PREP: variants seen among roughly 807,000 people sequenced by gnomAD.
PREP encodes dJ355L5.1 (prolyl endopeptidase).
A neutral mutation model predicts 87.6 loss-of-function variants in PREP; 29 were observed. That is an observed-to-expected ratio of 0.33 (90% confidence interval 0.25 to 0.45). PREP has a LOEUF of 0.45. Among genes scored for constraint, PREP ranks in the 20% least tolerant of loss-of-function variants. PREP has a pLI of 1.00. For synonymous variants in PREP, 337 were observed against 328.6 expected (o/e 1.03, Z -0.28); for missense variants, 695 against 886.5 (o/e 0.78, Z 2.74).
At chr6:105,336,848 T>C (rs1326004720) in intron 7 of PREP, among the ~76,000 whole-genome samples, 1 of 152,212 alleles carries the variant, frequency 6.6e-6, no homozygotes, top group Non-Finnish European at 1.5e-5. Context: ...GTCCACCTCG[T>C]GGTGGGCTGT....
rs1771021659 is a variant in PREP, at chr6:105,321,936, C to T, written c.1317+1729G>A. 2.0e-5 allele frequency among the ~76,000 whole-genome samples: 3 copies of T among 152,278 alleles called. No homozygotes were observed. In the South Asian group the frequency reaches 6.2e-4, roughly 32 times the overall value. Reference sequence around the variant, plus strand: ...GCTCTTGAGAGCAGAGGAGAGAACACTTGCTGGGTGCTGCCTGGGTGTCCC... The same window carrying T: ...GCTCTTGAGAGCAGAGGAGAGAACATTTGCTGGGTGCTGCCTGGGTGTCCC... On this transcript the variant is annotated intron_variant, in intron 10 of 14. Transcript: ENST00000652536.
intron 10 of PREP, chr6:105,322,794 AT>A (rs1771046953): frequency 9.4e-7 from 1 of 1,066,598 alleles, no homozygotes; most frequent in Non-Finnish European, 1.1e-6. Flanking sequence ...ACAAAGCTTT[AT>A]TCATGATCTA....
chr6:105,362,288 CCGT>C (rs1772270953), intron 6 of PREP, among the ~76,000 whole-genome samples: 1 of 152,138 alleles, frequency 6.6e-6, no homozygotes, highest in Non-Finnish European at 1.5e-5. Context: ...TGGTGAAACC[CCGT>C]CTCTACTAAA....
At chr6:105,315,774 C>A (rs1167264404) in intron 10 of PREP, among the ~76,000 whole-genome samples, 2 of 152,270 alleles carry the variant, frequency 1.3e-5, no homozygotes, top group Non-Finnish European at 2.9e-5. Flanking sequence ...TACATCAGCA[C>A]TTGCTGCTTC....
intron 7 of PREP, among the ~76,000 whole-genome samples, chr6:105,336,504 C>G (rs1409945026): frequency 6.6e-6 from 1 of 152,146 alleles, no homozygotes; most frequent in Non-Finnish European, 1.5e-5. Flanking sequence ...TTTTTGCTCC[C>G]TGTATTTTGT....
intron 10 of PREP, among the ~76,000 whole-genome samples, chr6:105,304,335 G>A (rs1369171978): frequency 6.6e-6 from 1 of 152,158 alleles, no homozygotes; most frequent in Non-Finnish European, 1.5e-5. Context: ...AGGGTGTCCT[G>A]GAACCAATCC....
At chr6:105,325,748 G>A (rs372069562) in intron 9 of PREP, among the ~76,000 whole-genome samples, 3 of 152,300 alleles carry the variant, frequency 2.0e-5, no homozygotes, top group African/African-American at 7.2e-5. Context: ...TTGGCTCAGA[G>A]GATAAGAACA....
intron 10 of PREP, among the ~76,000 whole-genome samples, chr6:105,310,191 A>G (rs1770732774): frequency 6.6e-6 from 1 of 152,366 alleles, no homozygotes; most frequent in African/African-American, 2.4e-5. Flanking sequence ...TGATTAACGT[A>G]GCCAGGGATT....
chr6:105,368,755 A>C, intron 6 of PREP, 148 bp downstream of exon 6: 1 of 916,022 alleles, frequency 1.1e-6, no homozygotes, highest in South Asian at 2.1e-5. Flanking sequence ...CATTATTAAG[A>C]GTCAATCTGA....
chr6:105,311,354 C>G (rs769372669), intron 10 of PREP, among the ~76,000 whole-genome samples: 5 of 152,184 alleles, frequency 3.3e-5, no homozygotes, highest in South Asian at 2.1e-4. Context: ...TCCACTCCCC[C>G]CTTACTCACT....
intron 9 of PREP, among the ~76,000 whole-genome samples, chr6:105,324,223 C>T (rs966240154): frequency 6.6e-6 from 1 of 152,154 alleles, no homozygotes; most frequent in African/African-American, 2.4e-5. Flanking sequence ...GGTCAAGAGC[C>T]AGTCAGGGGT....
chr6:105,332,656 GA>G (rs1159651179), intron 8 of PREP, among the ~76,000 whole-genome samples: 1 of 152,048 alleles, frequency 6.6e-6, no homozygotes, highest in Non-Finnish European at 1.5e-5. Flanking sequence ...CCAAATTAAT[GA>G]GTTTTACTGT....
In PREP at chr6:105,376,186, A is replaced by G. The variant is rs1172447624; in HGVS notation, c.324T>C (p.Gly108=). 1 of 1,613,898 alleles carries G rather than the reference A, an allele frequency of 6.2e-7. No homozygotes were observed. Among genetic ancestry groups the G allele is most frequent in the Non-Finnish European group, 8.5e-7 (1 of 1,179,892 alleles). ...TGGGGTCCAGGAACACTCTGGCCTC[A>G]CCCTCTAAGGAATCCTGTACATATA... ...RVLYVQDSLE[G]EARVFLDPNI... The change falls in exon 4 of 15, where the codon GGT becomes GGC. Residue 108 remains glycine, a synonymous_variant. Coordinates refer to ENST00000652536, the MANE Select transcript of PREP (RefSeq NM_002726.5).
chr6:105,395,954 G>T (rs1314808853), intron 2 of PREP, among the ~76,000 whole-genome samples: 1 of 152,178 alleles, frequency 6.6e-6, no homozygotes, highest in Non-Finnish European at 1.5e-5. Flanking sequence ...CAATCCCTCT[G>T]TCTCAGTCAG....
At chr6:105,339,363 C>T (rs1407599146) in intron 7 of PREP, among the ~76,000 whole-genome samples, 1 of 152,160 alleles carries the variant, frequency 6.6e-6, no homozygotes, top group Non-Finnish European at 1.5e-5. Flanking sequence ...GACACCCACA[C>T]CAAAACCCCA....
chr6:105,280,650 C>G (rs1368131275), intron 14 of PREP: 1 of 151,796 alleles, frequency 6.6e-6, no homozygotes, highest in African/African-American at 2.4e-5. Context: ...GTGATCTTGG[C>G]TCACTGTCCC....
chr6:105,398,636 T>C lies in PREP; in HGVS notation c.46-709A>G, dbSNP rs143956265. The stretch of plus-strand genomic sequence containing the variant: ...AAGAAATAAAACTGCTTAGTGTAAG[T>C]AGAACCTGGCTGAAGGAAGCTTTCT... On this transcript the variant is annotated intron_variant, in intron 1 of 14. Transcript: ENST00000652536. Among the ~76,000 whole-genome samples, 965 of 152,282 alleles carry C rather than the reference T, an allele frequency of 6.3e-3. 5 individuals carry two copies. The highest frequency in any genetic ancestry group is 0.011 in the Non-Finnish European group (755 of 68,018).
At chr6:105,297,207 G>T (rs1344190975) in intron 10 of PREP, among the ~76,000 whole-genome samples, 2 of 152,168 alleles carry the variant, frequency 1.3e-5, no homozygotes, top group African/African-American at 4.8e-5. Flanking sequence ...GTGGTCATTT[G>T]GTTTCACAAG....
At chr6:105,336,544 T>A (rs1462758578) in intron 7 of PREP, among the ~76,000 whole-genome samples, 1 of 152,242 alleles carries the variant, frequency 6.6e-6, no homozygotes, top group Non-Finnish European at 1.5e-5. Flanking sequence ...CAAAGAAGTA[T>A]CACATCTAAA....
Sources: allele counts gnomAD v4.1 joint callset (sites outside exome capture counted in the v4.1 genomes callset), GRCh38; gene constraint gnomAD v4.1.1; transcripts MANE v1.5; gene names NCBI Gene and HGNC (gene_info 2026-07-23, HGNC 2026-07-21).